Variants in C19orf47 observed in about 807,000 individuals in gnomAD.
The protein encoded by C19orf47 is uncharacterized protein C19orf47.
C19orf47 carries 18 observed loss-of-function variants against 32.3 expected under a neutral mutation model. That is an observed-to-expected ratio of 0.56 (90% CI 0.39 to 0.83). C19orf47 has a LOEUF of 0.83. Among genes scored for constraint, C19orf47 ranks in the 40% least tolerant of loss-of-function variants. C19orf47 has a pLI of 0.00. For missense variants in C19orf47, 484 were observed against 531.6 expected, an observed-to-expected ratio of 0.91 and a Z score of 0.88; for synonymous variants, 202 against 211.1, an observed-to-expected ratio of 0.96 and a Z score of 0.37.
chr19:40,296,671 C>T, the C19orf47 span, among the ~76,000 whole-genome samples: 4 of 151,768 alleles, frequency 2.6e-5, no homozygotes, highest in East Asian at 5.8e-4. Context: ...CCCAGCACTT[C>T]GGGAGGCTGA....
rs2145501341 is a variant in C19orf47 at position 40,320,835 on chromosome 19, G to C, written c.*1047C>G. ...GTGAAATCCATGGGGGGAGGGGATA[G>C]AGTGACAAAACCACTACGGCTTATT... On this transcript the variant is annotated 3_prime_UTR_variant, in exon 9 of 9. Coordinates refer to ENST00000683109, the MANE Select transcript of C19orf47 (RefSeq NM_001256441.2). The C allele has an allele frequency of 6.6e-6, 1 of 152,510 alleles. No individual in the cohort carries two copies. The highest frequency in any genetic ancestry group is 2.1e-4 in the South Asian group (1 of 4,838). The allele number at this position is 152,510 out of a possible 1,614,324, so 9.4% of individuals were successfully genotyped here. A position where few individuals can be genotyped will look rare whatever the true frequency, so the allele number is the denominator to read the frequency against.
chr19:40,300,069 GTTAAA>G, the C19orf47 span, among the ~76,000 whole-genome samples: 22 of 152,202 alleles, frequency 1.4e-4, no homozygotes, highest in African/African-American at 5.1e-4. Context: ...TATTTGAAAT[GTTAAA>G]TTAAATGGGA....
At position 40,320,507 on chromosome 19, in the gene C19orf47, C is replaced by T. The variant is rs370015774; in HGVS notation, c.*1375G>A. On this transcript the variant is annotated 3_prime_UTR_variant, in exon 9 of 9. Transcript: ENST00000683109. ...TGTCCCTCTGTCTGAAAGCTCTCCT[C>T]CTGAACTTCATGAAGCCACATTCCC... is the stretch of plus-strand genomic sequence containing the variant. The T allele has an allele frequency of 4.8e-4, 75 of 155,020 alleles. No individual in the cohort carries two copies. The highest frequency in any genetic ancestry group is 8.4e-4 in the Non-Finnish European group (58 of 68,830). 9.6% of individuals were successfully genotyped at this position (155,020 alleles called of 1,614,324 possible).
chr19:40,322,046 G>C lies in C19orf47; in HGVS notation c.994C>G (p.Gln332Glu). 1 of 1,614,190 alleles carries C rather than the reference G, an allele frequency of 6.2e-7. No individual in the cohort carries two copies. The highest frequency in any genetic ancestry group is 8.5e-7 in the Non-Finnish European group (1 of 1,180,028). ...GACTTACTCTTGGTGCTGGTGACCT[G>C]GCTGTCCTGGGCCTCGGGCACAAGG... ...AALVPEAQDS[Q>E]VTSTKSKSSA... is the part of the protein sequence containing the mutation. Residue 332 changes from glutamine (Q) to glutamate (E), a missense_variant, in exon 9 of 9, where the codon CAG (glutamine) becomes GAG (glutamate). This residue lies in a region of C19orf47 where 376 missense variants were observed against 370.2 expected (regional missense o/e 1.02). Coordinates refer to ENST00000683109, the MANE Select transcript of C19orf47 (RefSeq NM_001256441.2).
intron 1 of C19orf47, among the ~76,000 whole-genome samples, chr19:40,344,038 T>C (rs569846691): frequency 3.6e-4 from 55 of 151,802 alleles, no homozygotes; most frequent in African/African-American, 1.3e-3. Context: ...TCAAGTGATC[T>C]GCCCACATCA....
chr19:40,317,487 G>A (rs2077669928), downstream of C19orf47, among the ~76,000 whole-genome samples: 1 of 152,080 alleles, frequency 6.6e-6, no homozygotes, highest in African/African-American at 2.4e-5. Context: ...ATCTACCCCT[G>A]TGGGTCATGG....
chr19:40,298,868 T>C, the C19orf47 span, among the ~76,000 whole-genome samples: 1 of 152,110 alleles, frequency 6.6e-6, no homozygotes. Context: ...CATATAAAAG[T>C]TGGAAAGAGA....
At chr19:40,304,839 G>A in the C19orf47 span, among the ~76,000 whole-genome samples, 5 of 152,126 alleles carry the variant, frequency 3.3e-5, no homozygotes, top group Non-Finnish European at 5.9e-5. Context: ...GTTGGGACTT[G>A]GGGATCAAAA....
intron 2 of C19orf47, among the ~76,000 whole-genome samples, chr19:40,336,830 A>G (rs73933256): frequency 0.017 from 2,564 of 152,274 alleles, 85 homozygotes; most frequent in African/African-American, 0.059. Flanking sequence ...GCCTAGGCCC[A>G]GAGGATGATA....
At chr19:40,304,515 T>C in the C19orf47 span, among the ~76,000 whole-genome samples, 4 of 152,150 alleles carry the variant, frequency 2.6e-5, no homozygotes, top group African/African-American at 9.7e-5. Context: ...CTAAGAGACT[T>C]ATAATCTGCA....
chr19:40,330,724 A>G (rs1039029383), intron 5 of C19orf47, among the ~76,000 whole-genome samples: 1 of 151,392 alleles, frequency 6.6e-6, no homozygotes, highest in Admixed American at 6.6e-5. Context: ...GGGTCTCACT[A>G]TGTTGCCCAG....
Position 40,328,335 on chromosome 19 carries a change from GGAAGCAT to G in C19orf47, c.439+71_439+77del, listed in dbSNP as rs1328886969. ...GGCCTTCAAAGCACCTTACAATATTGGAAGCATGACCCCCAACACCTCCTACCAACCC... is the reference window on the plus strand; with the variant it reads ...GGCCTTCAAAGCACCTTACAATATTGGACCCCCAACACCTCCTACCAACCC... On this transcript the variant is annotated intron_variant, in intron 6 of 8. Transcript: ENST00000683109. 8.9e-6 allele frequency: 14 copies of G among 1,566,806 alleles called. No homozygotes were observed. The African/African-American group carries it at 1.8e-4, about 20-fold the overall frequency.
At chr19:40,314,259 C>G in the C19orf47 span, among the ~76,000 whole-genome samples, 1 of 152,148 alleles carries the variant, frequency 6.6e-6, no homozygotes, top group East Asian at 1.9e-4. Flanking sequence ...GAAACCCCAT[C>G]TCTATTAAAA....
the C19orf47 span, among the ~76,000 whole-genome samples, chr19:40,299,889 C>T: frequency 3.9e-5 from 6 of 152,054 alleles, no homozygotes; most frequent in Middle Eastern, 3.4e-3. Context: ...ATTAGTCAGG[C>T]GTGGTGACGG....
the C19orf47 span, among the ~76,000 whole-genome samples, chr19:40,313,883 A>G: frequency 6.6e-6 from 1 of 151,546 alleles, no homozygotes; most frequent in Non-Finnish European, 1.5e-5. Context: ...CTGCAGTGAG[A>G]TTACACCACT....
At position 40,321,562 on chromosome 19, in the gene C19orf47, A is replaced by G; in HGVS notation, c.*320T>C. ...GCAGCAGACCCTGCTCAGGGGAAGAAGGGGAATGTAGGAGAGGAAGAAGCC... is the reference window on the plus strand; with the variant it reads ...GCAGCAGACCCTGCTCAGGGGAAGAGGGGGAATGTAGGAGAGGAAGAAGCC... On this transcript the variant is annotated 3_prime_UTR_variant, in exon 9 of 9. Transcript: ENST00000683109. 2 of 1,107,670 alleles carry G rather than the reference A, an allele frequency of 1.8e-6. No individual in the cohort carries two copies. Among genetic ancestry groups the G allele is most frequent in the Admixed American group, 4.6e-5 (1 of 21,696 alleles). The allele number at this position is 1,107,670 out of a possible 1,614,324, so 68.6% of individuals were successfully genotyped here. A position where few individuals can be genotyped will look rare whatever the true frequency, so the allele number is the denominator to read the frequency against.
chr19:40,309,970 G>A, the C19orf47 span, among the ~76,000 whole-genome samples: 3 of 152,176 alleles, frequency 2.0e-5, no homozygotes, highest in East Asian at 5.8e-4. Context: ...TTCTTCAGAT[G>A]GTTAAAAATA....
chr19:40,347,392 C>G lies in C19orf47; in HGVS notation c.-34+932G>C, dbSNP rs1600231136. Among the ~76,000 whole-genome samples, 3 of 152,074 alleles carry G rather than the reference C, an allele frequency of 2.0e-5. No individual in the cohort carries two copies. The South Asian group carries it at 6.2e-4, about 32-fold the overall frequency. ...TAAAATACAAAAAAAATTAGCCGGG[C>G]GTGGTGGCGCATGCCTGTAATCCCA... is the stretch of plus-strand genomic sequence containing the variant. On this transcript the variant is annotated intron_variant, in intron 1 of 8. Coordinates refer to ENST00000683109, the MANE Select transcript of C19orf47 (RefSeq NM_001256441.2).
Position 40,333,851 on chromosome 19 carries a change from C to T in C19orf47, c.301G>A (p.Ala101Thr). Residue 101 changes from alanine (A) to threonine (T), a missense_variant and splice_region_variant, in exon 5 of 9, where the codon GCT (alanine) becomes ACT (threonine). Physicochemically the swap from Ala to Thr is moderately conservative, Grantham distance 58. Coordinates refer to ENST00000683109, the MANE Select transcript of C19orf47 (RefSeq NM_001256441.2). ...AGAGGCCTGAATAGTTAGGACTCACCACTGGTGCCACGGCGAATTTCGCCT... is the reference window on the plus strand; with the variant it reads ...AGAGGCCTGAATAGTTAGGACTCACTACTGGTGCCACGGCGAATTTCGCCT... The part of the protein sequence containing the change: ...LAGEIRRGTS[A>T]ASRMITNSLN... 4 of 1,568,554 alleles carry T rather than the reference C, an allele frequency of 2.6e-6. No individual in the cohort carries two copies. The highest frequency in any genetic ancestry group is 3.5e-6 in the Non-Finnish European group (4 of 1,155,330).
Sources: allele counts gnomAD v4.1 joint callset (sites outside exome capture counted in the v4.1 genomes callset), GRCh38; gene constraint gnomAD v4.1.1; regional missense constraint gnomAD v4.1.1; transcripts MANE v1.5; gene names NCBI Gene and HGNC (gene_info 2026-07-23, HGNC 2026-07-21).